EPG5: variants seen among roughly 807,000 people sequenced by gnomAD.
EPG5 encodes the protein ectopic P-granules 5 autophagy tethering factor.
EPG5 carries 159 observed loss-of-function variants against 302.7 expected under a neutral mutation model. That is an observed-to-expected ratio of 0.53 (90% CI 0.46 to 0.60). EPG5 has a LOEUF of 0.60. Among genes scored for constraint, EPG5 ranks in the 20% least tolerant of loss-of-function variants. EPG5 has a pLI of 0.00. For synonymous variants in EPG5, 1,158 were observed against 1,136.8 expected (o/e 1.02, Z -0.37); for missense variants, 2,896 against 3,092.4 (o/e 0.94, Z 1.51).
chr18:45,962,258 T>C (rs1352572716), intron 1 of EPG5, among the ~76,000 whole-genome samples: 1 of 152,178 alleles, frequency 6.6e-6, no homozygotes, highest in Non-Finnish European at 1.5e-5. Flanking sequence ...AAATCAATCA[T>C]TTAGGCATGG....
the EPG5 span, among the ~76,000 whole-genome samples, chr18:45,805,423 T>TA: frequency 0.012 from 1,549 of 132,454 alleles, 23 homozygotes; most frequent in African/African-American, 0.035. Context: ...AGAGCTTCTG[T>TA]AAAAAAAAAA....
At chr18:45,932,045 T>C (rs572820894) in intron 11 of EPG5, among the ~76,000 whole-genome samples, 5 of 152,100 alleles carry the variant, frequency 3.3e-5, no homozygotes, top group Non-Finnish European at 7.4e-5. Context: ...CATCTCCAAA[T>C]TGGATTTATA....
chr18:45,897,569 G>T (rs985424459), intron 27 of EPG5, among the ~76,000 whole-genome samples: 2 of 151,964 alleles, frequency 1.3e-5, no homozygotes, highest in Non-Finnish European at 2.9e-5. Context: ...TAGTAACTGG[G>T]AAAAAAATAC....
At position 45,925,826 on chromosome 18, in the gene EPG5, T is replaced by C; in HGVS notation, c.2630A>G (p.Asp877Gly). 2.5e-6 allele frequency: 4 copies of C among 1,586,390 alleles called. No individual in the cohort carries two copies. The highest frequency in any genetic ancestry group is 3.4e-6 in the Non-Finnish European group (4 of 1,168,530). The change falls in exon 14 of 44, where the codon GAT (aspartate) becomes GGT (glycine). Residue 877 changes from aspartate (D) to glycine (G), a missense_variant. Transcript: ENST00000282041. ...PSASEIAVIR[D>G]WLLNYNLTVV... ...TGTCAGGTTGTAATTCAATAACCAA[T>C]CCCGAATCACCGCTATCTCAGATGC...
At chr18:45,830,752 A>ATT in the EPG5 span, among the ~76,000 whole-genome samples, 68,149 of 117,874 alleles carry the variant, frequency 0.58, 20,347 homozygotes, top group East Asian at 0.86. Flanking sequence ...TGCCAGGCTA[A>ATT]TTTTTTTTTT....
intron 7 of EPG5, among the ~76,000 whole-genome samples, chr18:45,945,177 A>T (rs1599630719): frequency 1.3e-5 from 2 of 152,264 alleles, no homozygotes; most frequent in Middle Eastern, 3.4e-3. Flanking sequence ...CAATTTTTAC[A>T]CTCTTATTAT....
the EPG5 span, chr18:45,838,807 G>C: frequency 6.4e-7 from 1 of 1,558,240 alleles, no homozygotes; most frequent in African/African-American, 1.4e-5. Flanking sequence ...GCCGCCGCCC[G>C]CCCTCGCCTG....
intron 2 of EPG5, among the ~76,000 whole-genome samples, chr18:45,953,065 C>T (rs2050946873): frequency 2.0e-5 from 3 of 151,980 alleles, no homozygotes; most frequent in South Asian, 4.1e-4. Context: ...CCCAGCTACT[C>T]GGGAGGCTGA....
Position 45,954,860 on chromosome 18 carries a change from T to C in EPG5, c.542A>G (p.Asp181Gly), listed in dbSNP as rs2050989814. ...QVRETQNSKE[D>G]KQGLVCSSEV... ...TGAAGAACAAACCAGGCCTTGTTTG[T>C]CTTCTTTACTATTCTGAGTTTCTCT... The change falls in exon 2 of 44, where the codon GAC becomes GGC. Residue 181 changes from aspartate (D) to glycine (G), a missense_variant. Physicochemically the swap from Asp to Gly is moderately conservative, Grantham distance 94 (BLOSUM62 -1). Around this residue, in one of 5 missense-constraint regions of EPG5, gnomAD observed 1,390 missense variants for 1,430.0 expected, o/e 0.97. Transcript: ENST00000282041. 6.2e-7 allele frequency: 1 copy of C among 1,614,224 alleles called. No individual in the cohort carries two copies. Among genetic ancestry groups the C allele is most frequent in the Admixed American group, 1.7e-5 (1 of 60,026 alleles).
intron 19 of EPG5, 29 bp from the exon 20 acceptor site, chr18:45,915,650 G>A (rs768177732): frequency 1.3e-6 from 2 of 1,571,912 alleles, no homozygotes; most frequent in African/African-American, 2.7e-5. Flanking sequence ...AGCAGAGAGA[G>A]GAGGTTTTAA....
Position 45,912,423 on chromosome 18 carries a change from G to C in EPG5, c.3850C>G (p.Pro1284Ala), listed in dbSNP as rs1416434773. 6.2e-7 allele frequency: 1 copy of C among 1,604,768 alleles called. No homozygotes were observed. The highest frequency in any genetic ancestry group is 8.5e-7 in the Non-Finnish European group (1 of 1,177,146). Residue 1284 changes from proline (P) to alanine (A), a missense_variant, in exon 22 of 44, where the codon CCA becomes GCA. By Grantham distance (27) the Pro-to-Ala change is conservative (BLOSUM62 -1). Transcript: ENST00000282041. ...TAAATCAGCAGCCTCTGGAGGGATG[G>C]CACGATGGGGAGCTTCAGCTGGGTC... is the stretch of plus-strand genomic sequence containing the variant. ...AQTQLKLPIV[P>A]SLQRLLIYRW...
At chr18:45,874,540 T>G (rs866494163) in intron 35 of EPG5, among the ~76,000 whole-genome samples, 1 of 152,132 alleles carries the variant, frequency 6.6e-6, no homozygotes, top group African/African-American at 2.4e-5. Flanking sequence ...GAAAGGCATG[T>G]CTTACATGGC....
chr18:45,876,713 T>C (rs568246723), intron 34 of EPG5, among the ~76,000 whole-genome samples: 1 of 149,996 alleles, frequency 6.7e-6, no homozygotes, highest in Non-Finnish European at 1.5e-5. Flanking sequence ...ACTCAAAGCA[T>C]TAAAAAAAAA....
chr18:45,922,456 C>T lies in EPG5; in HGVS notation c.2983G>A (p.Val995Ile), dbSNP rs377499566. Residue 995 changes from valine (V) to isoleucine (I), a missense_variant, in exon 16 of 44, where the codon GTC becomes ATC. Coordinates refer to ENST00000282041, the MANE Select transcript of EPG5 (RefSeq NM_020964.3). ...QPNCPAVPFS[V>I]TVPDMTESPT... ...GACTCTGTCATGTCAGGCACAGTGA[C>T]GGAGAAGGGAACAGCTGGACAATTC... 4.7e-5 allele frequency: 76 copies of T among 1,614,156 alleles called. No individual in the cohort carries two copies. The African/African-American group carries it at 7.6e-4, about 16-fold the overall frequency.
At chr18:45,936,967 C>T (rs904390305) in intron 10 of EPG5, among the ~76,000 whole-genome samples, 1 of 151,902 alleles carries the variant, frequency 6.6e-6, no homozygotes, top group Non-Finnish European at 1.5e-5. Context: ...GTAGTTCAAA[C>T]CCACACTTAC....
chr18:45,880,152 T>TG lies in EPG5; in HGVS notation c.5589dup (p.Ser1864GlnfsTer19). On this transcript the variant is annotated frameshift_variant, in exon 32 of 44. Coordinates refer to ENST00000282041, the MANE Select transcript of EPG5 (RefSeq NM_020964.3). LOFTEE classifies it high-confidence loss of function. ...GTGGACGCTGCCCCCTGCTGGCAGC[T>TG]GGGGGCGCAGCAGCCCAGGGCTCTC... The TG allele has an allele frequency of 6.2e-7, 1 of 1,611,282 alleles. No individual in the cohort carries two copies.
chr18:45,815,529 C>A, the EPG5 span, among the ~76,000 whole-genome samples: 1 of 152,030 alleles, frequency 6.6e-6, no homozygotes. Context: ...AGAACTCAAC[C>A]CTTTCACAAT....
In EPG5 at chr18:45,867,946, A is replaced by C. The variant is rs2048782366; in HGVS notation, c.6226-198T>G. On this transcript the variant is annotated intron_variant, in intron 36 of 43. Transcript: ENST00000282041. ...TCCACAGTGTATGTGTGTATATTTT[A>C]GTTTGTCTGTTCAGATTTCAGCATT... is the stretch of plus-strand genomic sequence containing the variant. The C allele has an allele frequency of 1.3e-5, 9 of 674,656 alleles. No homozygotes were observed. In the East Asian group the frequency reaches 2.6e-4, roughly 20 times the overall value. The allele number at this position is 674,656 out of a possible 1,614,324, so 41.8% of individuals were successfully genotyped here. A position where few individuals can be genotyped will look rare whatever the true frequency, so the allele number is the denominator to read the frequency against.
chr18:45,939,509 T>C (rs1416202319), intron 10 of EPG5, 91 bp downstream of exon 10: 6 of 1,258,528 alleles, frequency 4.8e-6, no homozygotes, highest in African/African-American at 3.0e-5. Flanking sequence ...AAGAAACTAT[T>C]ATAAAAGACC....
Sources: gnomAD v4.1 joint callset for allele counts (sites outside exome capture counted in the v4.1 genomes callset) on GRCh38, gnomAD v4.1.1 for gene constraint, gnomAD v4.1.1 regional missense constraint, MANE v1.5 for transcripts, NCBI Gene and HGNC (gene_info 2026-07-23, HGNC 2026-07-21) for gene names.